SALL4: variants seen among roughly 807,000 people sequenced by gnomAD.
SALL4 encodes the protein sal-like protein 4.
Under a neutral mutation model 60.8 loss-of-function variants are expected in SALL4, and 4 were observed. That is an observed-to-expected ratio of 0.07 (90% CI 0.03 to 0.15). The LOEUF (loss-of-function observed/expected upper bound fraction) is 0.15. Among genes scored for constraint, SALL4 ranks in the 10% least tolerant of loss-of-function variants. The pLI is 1.00. For missense variants in SALL4, 1,178 were observed against 1,394.7 expected (o/e 0.84, Z 2.48); for synonymous variants, 580 against 574.9 (o/e 1.01, Z -0.13).
intron 1 of SALL4, among the ~76,000 whole-genome samples, chr20:51,793,998 A>G (rs1276873063): frequency 6.6e-6 from 1 of 152,224 alleles, no homozygotes; most frequent in Non-Finnish European, 1.5e-5. Context: ...GCAAGTCGGC[A>G]CACCCCTAAG....
rs571329627 is a variant in SALL4 at position 51,792,726 on chromosome 20, C to T, written c.131-374G>A. The T allele has an allele frequency of 2.7e-4, 234 of 864,886 alleles. 6 individuals carry two copies. In the South Asian group the frequency reaches 5.5e-3, roughly 20 times the overall value. The allele number at this position is 864,886 out of a possible 1,614,324, so 53.6% of individuals were successfully genotyped here. A position where few individuals can be genotyped will look rare whatever the true frequency, so the allele number is the denominator to read the frequency against. ...AAAAAAAAAGGCAAAAAGGCTGATC[C>T]CTGAATTTCTTTTGTAACTGGGGCT... is the stretch of plus-strand genomic sequence containing the variant. On this transcript the variant is annotated intron_variant, in intron 1 of 3. Coordinates refer to ENST00000217086, the MANE Select transcript of SALL4 (RefSeq NM_020436.5).
rs117502178 is a variant in SALL4 at position 51,798,620 on chromosome 20, C to A, written c.130+3659G>T. Among the ~76,000 whole-genome samples the A allele has an allele frequency of 6.2e-3, 945 of 152,194 alleles. 1 individual carries two copies. Among genetic ancestry groups the A allele is most frequent in the Non-Finnish European group, 8.5e-3 (581 of 67,996 alleles). On this transcript the variant is annotated intron_variant, in intron 1 of 3. Transcript: ENST00000217086. ...GAACTCTTTTCGCCATCAATTTTTC[C>A]AGGGTAGTACAACCCAGAGAAGCCG...
Position 51,784,662 on chromosome 20 carries a change from GC to G in SALL4, c.2764del (p.Ala922ArgfsTer21), listed in dbSNP as rs751548129. 1.2e-5 allele frequency: 20 copies of G among 1,614,028 alleles called. No individual in the cohort carries two copies. The highest frequency in any genetic ancestry group is 5.1e-6 in the Non-Finnish European group (6 of 1,180,038). Reference protein sequence around the residue: ...NLKVHYMTHGANNNSARRGRK... With the variant: ...NLKVHYMTHGXNNNSARRGRK... ...TCCACGGCGGGCTGAGTTATTGTTCGCCCCGTGTGTCATGTAGTGAACCTAT... is the reference window on the plus strand; with the variant it reads ...TCCACGGCGGGCTGAGTTATTGTTCGCCCGTGTGTCATGTAGTGAACCTAT... On this transcript the variant is annotated frameshift_variant, in exon 4 of 4. Transcript: ENST00000217086. LOFTEE classifies it low-confidence loss of function (END_TRUNC).
At chr20:51,794,034 C>T (rs768961689) in intron 1 of SALL4, among the ~76,000 whole-genome samples, 7 of 152,146 alleles carry the variant, frequency 4.6e-5, no homozygotes, top group Non-Finnish European at 7.3e-5. Context: ...CGCGTAATCG[C>T]GAGATGACAA....
Position 51,790,413 on chromosome 20 carries a change from G to A in SALL4, c.2070C>T (p.Ser690=), listed in dbSNP as rs770843401. 3.7e-6 allele frequency: 6 copies of A among 1,614,132 alleles called. No homozygotes were observed. In the Admixed American group the frequency reaches 5.0e-5, roughly 13 times the overall value. Residue 690 remains serine, a synonymous_variant, in exon 2 of 4, where the codon AGC becomes AGT. Transcript: ENST00000217086. The surrounding 1 kb of genome is among the most constrained non-coding windows in gnomAD (Gnocchi z 5.5). ...GGGAGCTGACTTCCTCTACATCGAT[G>A]CTTTCGATGACATCATCATGGCAGA... ...GAICHDDVIE[S]IDVEEVSSQE...
At position 51,791,004 on chromosome 20, in the gene SALL4, A is replaced by T. The variant is rs2078035402; in HGVS notation, c.1479T>A (p.Thr493=). The stretch of plus-strand genomic sequence containing the variant: ...AGCCACCCGTGAGGTCCTTGGGATT[A>T]GTCCCCGAAGAAAGATTCTGAGGTA... ...VGLPQNLSSG[T]NPKDLTGGSL... is the part of the protein sequence containing the mutation. The change falls in exon 2 of 4, where the codon ACT becomes ACA. Residue 493 remains threonine (T), a synonymous_variant. Coordinates refer to ENST00000217086, the MANE Select transcript of SALL4 (RefSeq NM_020436.5). The surrounding 1 kb of genome is among the most constrained non-coding windows in gnomAD (Gnocchi z 4.6). The T allele has an allele frequency of 6.2e-7, 1 of 1,614,088 alleles. No homozygotes were observed. The highest frequency in any genetic ancestry group is 8.5e-7 in the Non-Finnish European group (1 of 1,180,048).
In SALL4 at chr20:51,802,358, G is replaced by GTCC. The variant is rs775806857; in HGVS notation, c.48_50dup (p.Glu16dup). On this transcript the variant is annotated inframe_insertion, in exon 1 of 4. Transcript: ENST00000217086. ...GCTGCTGCGGCTGCTGCTCGCCCTG[G>GTCC]TCCTCCTCCGAGTTGATGTGCTGGG... 2.0e-4 allele frequency: 319 copies of GTCC among 1,611,124 alleles called. No homozygotes were observed. The highest frequency in any genetic ancestry group is 2.4e-4 in the Non-Finnish European group (283 of 1,179,834).
At chr20:51,789,238 G>T in intron 2 of SALL4, 97 bp from the exon 3 acceptor site, 1 of 1,403,830 alleles carries the variant, frequency 7.1e-7, no homozygotes, top group Non-Finnish European at 9.7e-7. Flanking sequence ...CTGCCTGCTA[G>T]TTTGAGAGTC....
chr20:51,792,101 C>T lies in SALL4; in HGVS notation c.382G>A (p.Gly128Ser), dbSNP rs753484859. ...TTCTCCCTGTGACAGTCCTTACTGC[C>T]GGGACTGGTGGGCTGGTGGCTCAGT... The part of the protein sequence containing the change: ...AVLSHQPTSP[G>S]SKDCHRENGG... Residue 128 changes from glycine (G) to serine (S), a missense_variant, in exon 2 of 4, where the codon GGC (glycine) becomes AGC (serine). This residue lies in a region of SALL4 where 853 missense variants were observed against 1,036.8 expected (regional missense o/e 0.82). Coordinates refer to ENST00000217086, the MANE Select transcript of SALL4 (RefSeq NM_020436.5). 7.5e-5 allele frequency: 121 copies of T among 1,614,028 alleles called. 1 individual carries two copies. The Middle Eastern group carries it at 8.2e-4, about 11-fold the overall frequency.
At chr20:51,786,849 C>A (rs2077996081) in intron 3 of SALL4, among the ~76,000 whole-genome samples, 1 of 151,946 alleles carries the variant, frequency 6.6e-6, no homozygotes, top group Non-Finnish European at 1.5e-5. Flanking sequence ...AATCCCATTA[C>A]TTTGGGAGGC....
At chr20:51,802,120 G>A (rs1206441761) in intron 1 of SALL4, among the ~76,000 whole-genome samples, 159 bp downstream of exon 1, 1 of 152,070 alleles carries the variant, frequency 6.6e-6, no homozygotes, top group African/African-American at 2.4e-5. Flanking sequence ...CGGGGTGGTG[G>A]GGAGAGGAGG....
At chr20:51,785,791 G>A (rs1015589282) in intron 3 of SALL4, among the ~76,000 whole-genome samples, 4 of 151,158 alleles carry the variant, frequency 2.6e-5, no homozygotes, top group African/African-American at 4.9e-5. Flanking sequence ...CTACAGGCAC[G>A]CGCCACCATG....
intron 3 of SALL4, among the ~76,000 whole-genome samples, chr20:51,785,293 T>TC (rs766707328): frequency 5.9e-5 from 9 of 151,632 alleles, no homozygotes; most frequent in Non-Finnish European, 1.2e-4. Context: ...AAAGCAAGAC[T>TC]CCATCTCAAA....
At chr20:51,793,432 G>C (rs1332540604) in intron 1 of SALL4, among the ~76,000 whole-genome samples, 2 of 152,122 alleles carry the variant, frequency 1.3e-5, no homozygotes, top group African/African-American at 4.8e-5. Context: ...AGCCACTCCA[G>C]CCTGGGTGAC....
chr20:51,792,084 G>T lies in SALL4; in HGVS notation c.399C>A (p.His133Gln), dbSNP rs771711085. 2 of 1,614,070 alleles carry T rather than the reference G, an allele frequency of 1.2e-6. No individual in the cohort carries two copies. Among genetic ancestry groups the T allele is most frequent in the Admixed American group, 1.7e-5 (1 of 59,998 alleles). The change falls in exon 2 of 4, where the codon CAC becomes CAA. Residue 133 changes from histidine to glutamine, a missense_variant. Around this residue, in one of 5 missense-constraint regions of SALL4, gnomAD observed 853 missense variants for 1,036.8 expected, o/e 0.82. Coordinates refer to ENST00000217086, the MANE Select transcript of SALL4 (RefSeq NM_020436.5). ...QPTSPGSKDC[H>Q]RENGGSSEDM... ...CCTCTGAGCTGCCGCCATTCTCCCT[G>T]TGACAGTCCTTACTGCCGGGACTGG...
At chr20:51,794,156 C>T (rs935519035) in intron 1 of SALL4, among the ~76,000 whole-genome samples, 1 of 152,230 alleles carries the variant, frequency 6.6e-6, no homozygotes, top group Admixed American at 6.5e-5. Flanking sequence ...ACAATACTAA[C>T]CTCCTACTGC....
Position 51,791,829 on chromosome 20 carries a change from G to C in SALL4, c.654C>G (p.Ile218Met). 1 of 1,614,154 alleles carries C rather than the reference G, an allele frequency of 6.2e-7. No homozygotes were observed. The highest frequency in any genetic ancestry group is 8.5e-7 in the Non-Finnish European group (1 of 1,180,048). ...GTAGCTGCTGCTGCTGCAGACACAA[G>C]ATCTGCTCGAGGACCCACGGGATGC... ...ANSIPWVLEQ[I>M]LCLQQQQLQQ... The change falls in exon 2 of 4, where the codon ATC (isoleucine) becomes ATG (methionine). Residue 218 changes from isoleucine to methionine, a missense_variant. Ile to Met is a conservative substitution (Grantham distance 10). Around this residue, in one of 5 missense-constraint regions of SALL4, gnomAD observed 853 missense variants for 1,036.8 expected, o/e 0.82. Coordinates refer to ENST00000217086, the MANE Select transcript of SALL4 (RefSeq NM_020436.5). The surrounding 1 kb of genome is among the most constrained non-coding windows in gnomAD (Gnocchi z 4.6).
In SALL4 at chr20:51,782,977, A is replaced by G. The variant is rs746360558; in HGVS notation, c.*1288T>C. 5.3e-5 allele frequency: 8 copies of G among 152,244 alleles called. No individual in the cohort carries two copies. The highest frequency in any genetic ancestry group is 1.0e-4 in the Non-Finnish European group (7 of 68,040). 9.4% of individuals were successfully genotyped at this position (152,244 alleles called of 1,614,324 possible). On this transcript the variant is annotated 3_prime_UTR_variant, in exon 4 of 4. Coordinates refer to ENST00000217086, the MANE Select transcript of SALL4 (RefSeq NM_020436.5). ...CAGGACGTGCCTGTTCTAACTTCGTAGCCTTCATGAAATATTCAGCAAGGA... is the reference window on the plus strand; with the variant it reads ...CAGGACGTGCCTGTTCTAACTTCGTGGCCTTCATGAAATATTCAGCAAGGA...
At position 51,802,073 on chromosome 20, in the gene SALL4, G is replaced by A. The variant is rs914216178; in HGVS notation, c.130+206C>T. ...AGCTGGGGGTGAAACTTACACAAGA[G>A]GGGAGAAGAGGAAAAAAGTGTGAAA... On this transcript the variant is annotated intron_variant, in intron 1 of 3. Transcript: ENST00000217086. 5.3e-5 allele frequency among the ~76,000 whole-genome samples: 8 copies of A among 152,110 alleles called. No homozygotes were observed. In the East Asian group the frequency reaches 1.2e-3, roughly 22 times the overall value.
Sources: gnomAD v4.1 joint callset for allele counts (sites outside exome capture counted in the v4.1 genomes callset) on GRCh38, gnomAD v4.1.1 for gene constraint, gnomAD v4.1.1 regional missense constraint, Gnocchi (gnomAD v3.1) non-coding constraint, MANE v1.5 for transcripts, NCBI Gene and HGNC (gene_info 2026-07-23, HGNC 2026-07-21) for gene names.